Variants in RARB observed in about 807,000 individuals in gnomAD.
The protein encoded by RARB is HBV-activated protein.
Under a neutral mutation model 51.9 loss-of-function variants are expected in RARB, and 17 were observed. The observed-to-expected ratio is 0.33, with a 90% CI of 0.22 to 0.49. RARB has a LOEUF of 0.49. Ranked by LOEUF, RARB falls within the 20% of genes least tolerant of loss-of-function variation. RARB has a pLI of 0.99. For missense variants in RARB, 369 were observed against 550.8 expected (o/e 0.67, Z 3.30); for synonymous variants, 215 against 195.4 (o/e 1.10, Z -0.84).
At chr3:24,856,413 T>C (rs1157306800) in intron 1 of RARB, among the ~76,000 whole-genome samples, 1 of 152,192 alleles carries the variant, frequency 6.6e-6, no homozygotes, top group Non-Finnish European at 1.5e-5. Flanking sequence ...GAGGTAGATA[T>C]GGTATTATGT....
chr3:25,176,752 A>G (rs1165239105), intron 5 of RARB, among the ~76,000 whole-genome samples: 2 of 152,126 alleles, frequency 1.3e-5, no homozygotes, highest in African/African-American at 2.4e-5. Flanking sequence ...AATGGTTGAG[A>G]TATATCATAT....
intron 7 of RARB, among the ~76,000 whole-genome samples, chr3:25,595,558 T>C (rs951654851): frequency 2.0e-5 from 3 of 152,190 alleles, no homozygotes; most frequent in Non-Finnish European, 2.9e-5. Flanking sequence ...AATGAGGCTG[T>C]TTAACATAAT....
At chr3:24,996,127 A>T (rs958775268) in intron 2 of RARB, among the ~76,000 whole-genome samples, 2 of 152,110 alleles carry the variant, frequency 1.3e-5, no homozygotes, top group African/African-American at 4.8e-5. Flanking sequence ...TTACTGATTC[A>T]ATCCCATGCC....
chr3:25,302,585 T>C (rs577080240), intron 5 of RARB, among the ~76,000 whole-genome samples: 2 of 152,330 alleles, frequency 1.3e-5, no homozygotes, highest in East Asian at 3.9e-4. Flanking sequence ...GATTAGCAGC[T>C]TCCAGGGGCT....
intron 2 of RARB, among the ~76,000 whole-genome samples, chr3:24,881,699 A>G (rs565506588): frequency 2.0e-4 from 31 of 152,360 alleles, no homozygotes; most frequent in African/African-American, 7.2e-4. Flanking sequence ...GAAGGAAAAT[A>G]TGGAACCAAC....
chr3:25,386,715 A>G (rs1291881505), intron 5 of RARB, among the ~76,000 whole-genome samples: 1 of 152,194 alleles, frequency 6.6e-6, no homozygotes, highest in Non-Finnish European at 1.5e-5. Flanking sequence ...ATGAGGAACC[A>G]TGCTTTGATA....
intron 5 of RARB, among the ~76,000 whole-genome samples, chr3:25,204,004 G>C (rs1189464243): frequency 6.6e-6 from 1 of 152,118 alleles, no homozygotes; most frequent in Non-Finnish European, 1.5e-5. Context: ...AGTTCTCCTG[G>C]ATAATATCCT....
chr3:24,870,873 C>T (rs1054492248), intron 2 of RARB, among the ~76,000 whole-genome samples: 6 of 152,056 alleles, frequency 3.9e-5, no homozygotes, highest in African/African-American at 1.2e-4. Context: ...TTTGTCAACT[C>T]TTTGGGTAAA....
chr3:25,432,913 C>T (rs1265856648), intron 1 of RARB, among the ~76,000 whole-genome samples: 2 of 152,110 alleles, frequency 1.3e-5, no homozygotes, highest in African/African-American at 4.8e-5. Flanking sequence ...TCAAGTCACA[C>T]AGGATTTTAA....
At position 25,597,628 on chromosome 3, in the gene RARB, A is replaced by AT. The variant is rs1701912541; in HGVS notation, c.*1014dup. 6.8e-6 allele frequency: 1 copy of AT among 146,776 alleles called. No individual in the cohort carries two copies. Among genetic ancestry groups the AT allele is most frequent in the Non-Finnish European group, 1.5e-5 (1 of 64,736 alleles). 9.1% of individuals were successfully genotyped at this position (146,776 alleles called of 1,614,324 possible). A position where few individuals can be genotyped will look rare whatever the true frequency, so the allele number is the denominator to read the frequency against. On this transcript the variant is annotated 3_prime_UTR_variant, in exon 8 of 8. Transcript: ENST00000330688. Reference sequence around the variant, plus strand: ...CAGCCTTCTTGATGCCAAGGGGCTAATTAATATTAACAACTCCCAAAGAAA... The same window carrying AT: ...CAGCCTTCTTGATGCCAAGGGGCTAATTTAATATTAACAACTCCCAAAGAAA...
intron 5 of RARB, among the ~76,000 whole-genome samples, chr3:25,587,147 G>A (rs1047792133): frequency 4.6e-5 from 7 of 151,934 alleles, no homozygotes; most frequent in Non-Finnish European, 5.9e-5. Context: ...CCCCATTCAG[G>A]TTGCTGGAAT....
chr3:25,574,446 T>G (rs1332573558), intron 4 of RARB, among the ~76,000 whole-genome samples: 1 of 152,188 alleles, frequency 6.6e-6, no homozygotes, highest in African/African-American at 2.4e-5. Context: ...ATCATAAATG[T>G]CTTGTCATTT....
rs929336228 is a variant in RARB at position 24,983,219 on chromosome 3, T to A, written c.-379-76906T>A. On this transcript the variant is annotated intron_variant, in intron 2 of 11. Coordinates refer to the RARB transcript ENST00000383772. ...ACACACATCTGCCAACCTCATTATA[T>A]CTTTTAGTAGAATTGTACCTGAGCA... Among the ~76,000 whole-genome samples, 5 of 152,162 alleles carry A rather than the reference T, an allele frequency of 3.3e-5. No homozygotes were observed. The South Asian group carries it at 1.0e-3, about 32-fold the overall frequency.
chr3:24,833,301 T>A (rs1048258809), intron 1 of RARB: 1 of 152,260 alleles, frequency 6.6e-6, no homozygotes, highest in Non-Finnish European at 1.5e-5. Flanking sequence ...CTTTAGGGTT[T>A]ATTATTTCCC....
At chr3:25,222,492 G>A (rs909268197) in intron 5 of RARB, among the ~76,000 whole-genome samples, 3 of 151,872 alleles carry the variant, frequency 2.0e-5, no homozygotes, top group African/African-American at 7.3e-5. Context: ...ATTCATAGCT[G>A]ATATAATTCT....
intron 2 of RARB, among the ~76,000 whole-genome samples, chr3:24,903,560 A>G (rs576991510): frequency 8.5e-5 from 13 of 152,278 alleles, no homozygotes; most frequent in African/African-American, 2.6e-4. Context: ...TCAGCTTAAT[A>G]TGAAAGGGGG....
intron 3 of RARB, among the ~76,000 whole-genome samples, chr3:25,543,703 A>G (rs1036283728): frequency 1.3e-5 from 2 of 152,166 alleles, no homozygotes; most frequent in African/African-American, 4.8e-5. Flanking sequence ...GGATGGTGTA[A>G]TAGCCTGCCA....
chr3:24,903,069 A>C (rs1026975662), intron 2 of RARB, among the ~76,000 whole-genome samples: 1 of 152,120 alleles, frequency 6.6e-6, no homozygotes, highest in Admixed American at 6.6e-5. Flanking sequence ...CATGCTTTCA[A>C]ATTTTATAGA....
rs368087224 is a variant in RARB at position 24,887,395 on chromosome 3, T to C, written c.-380+28643T>C. ...CTCATAGTATATTAACTCTGAAGAA[T>C]GCTTCATAAATGTGCCTGCTGAGGC... On this transcript the variant is annotated intron_variant, in intron 2 of 11. Transcript: ENST00000383772. Among the ~76,000 whole-genome samples the C allele has an allele frequency of 9.8e-5, 15 of 152,378 alleles. No homozygotes were observed. The East Asian group carries it at 1.9e-3, about 20-fold the overall frequency.
Sources: allele counts gnomAD v4.1 joint callset (sites outside exome capture counted in the v4.1 genomes callset), GRCh38; gene constraint gnomAD v4.1.1; transcripts MANE v1.5; gene names NCBI Gene and HGNC (gene_info 2026-07-23, HGNC 2026-07-21).